The following COMMD10 variants were observed in gnomAD, a reference collection of about 807,000 sequenced individuals.
COMMD10 encodes the protein COMM domain containing 10.
Under a neutral mutation model 28.9 loss-of-function variants are expected in COMMD10, and 33 were observed. That is an observed-to-expected ratio of 1.14 (90% CI 0.87 to 1.53). The LOEUF (loss-of-function observed/expected upper bound fraction) is 1.53. Among genes scored for constraint, COMMD10 ranks in the 40% most tolerant of loss-of-function variants. The probability of loss-of-function intolerance (pLI) is 0.00; values close to 1 mark genes in which losing one functional copy is unlikely to be tolerated. For missense variants in COMMD10, 310 were observed against 233.4 expected, an observed-to-expected ratio of 1.33 and a Z score of -2.14; for synonymous variants, 110 against 81.7, an observed-to-expected ratio of 1.35 and a Z score of -1.87.
At chr5:116,147,534 A>G (rs935725283) in intron 5 of COMMD10, among the ~76,000 whole-genome samples, 7 of 151,882 alleles carry the variant, frequency 4.6e-5, no homozygotes, top group African/African-American at 1.7e-4. Context: ...ACTATCTGAA[A>G]TTGACATAAA....
At chr5:116,090,767 C>T (rs903413036) in intron 2 of COMMD10, among the ~76,000 whole-genome samples, 1 of 152,162 alleles carries the variant, frequency 6.6e-6, no homozygotes, top group African/African-American at 2.4e-5. Flanking sequence ...TTTCTGTTTG[C>T]TCTGGTTAAA....
At chr5:116,210,846 G>A (rs181237168) in intron 5 of COMMD10, among the ~76,000 whole-genome samples, 5 of 151,772 alleles carry the variant, frequency 3.3e-5, no homozygotes, top group Admixed American at 3.3e-4. Context: ...TCTCTCACAT[G>A]GTACATTAAA....
rs571009611 is a variant in COMMD10 at position 116,222,330 on chromosome 5, T to A, written c.511-69187T>A. On this transcript the variant is annotated intron_variant, in intron 5 of 6. Transcript: ENST00000274458. ...AAATTTTAATATTTTAATTTGGAAA[T>A]CTCATCCTGAAATCTCTTTTGGTAA... 2.6e-5 allele frequency among the ~76,000 whole-genome samples: 4 copies of A among 152,310 alleles called. No individual in the cohort carries two copies. The East Asian group carries it at 7.7e-4, about 29-fold the overall frequency.
chr5:116,168,369 C>G (rs1399668599), intron 5 of COMMD10, among the ~76,000 whole-genome samples: 1 of 152,088 alleles, frequency 6.6e-6, no homozygotes, highest in Admixed American at 6.5e-5. Flanking sequence ...GAGACTTAGA[C>G]TCACACACAA....
chr5:116,140,509 C>CT (rs1236325921), intron 5 of COMMD10, among the ~76,000 whole-genome samples: 1 of 151,740 alleles, frequency 6.6e-6, no homozygotes, highest in Non-Finnish European at 1.5e-5. Context: ...AACTGTTGTC[C>CT]TTAATGGCTA....
intron 5 of COMMD10, among the ~76,000 whole-genome samples, chr5:116,203,408 T>TGAGAA (rs888654790): frequency 4.6e-5 from 7 of 151,860 alleles, no homozygotes; most frequent in African/African-American, 1.5e-4. Context: ...AGATACTCCT[T>TGAGAA]GAGAAGAGCA....
intron 5 of COMMD10, among the ~76,000 whole-genome samples, chr5:116,139,898 G>A (rs945215323): frequency 1.3e-5 from 2 of 151,658 alleles, no homozygotes; most frequent in African/African-American, 4.8e-5. Context: ...TGTGGTTAAA[G>A]CACGTAAAAT....
intron 4 of COMMD10, among the ~76,000 whole-genome samples, chr5:116,126,459 A>G (rs1284225127): frequency 6.6e-6 from 1 of 152,158 alleles, no homozygotes; most frequent in African/African-American, 2.4e-5. Flanking sequence ...AAGAGCCCTC[A>G]TTGCCAAGTC....
chr5:116,266,225 T>G (rs1164730287), intron 5 of COMMD10, among the ~76,000 whole-genome samples: 2 of 151,728 alleles, frequency 1.3e-5, no homozygotes, highest in African/African-American at 4.9e-5. Flanking sequence ...AAGAAAAATA[T>G]TTATACCTAT....
intron 5 of COMMD10, among the ~76,000 whole-genome samples, chr5:116,234,468 A>G (rs748150098): frequency 1.3e-5 from 2 of 152,198 alleles, no homozygotes; most frequent in South Asian, 2.1e-4. Flanking sequence ...ATAAATTCTC[A>G]TGGTAGCAAT....
chr5:116,125,712 C>T (rs767527645), intron 4 of COMMD10, among the ~76,000 whole-genome samples: 1 of 152,116 alleles, frequency 6.6e-6, no homozygotes, highest in South Asian at 2.1e-4. Flanking sequence ...TTGGTCTTTT[C>T]ACATAGTCCC....
At chr5:116,247,737 C>G (rs1251262755) in intron 5 of COMMD10, among the ~76,000 whole-genome samples, 1 of 151,952 alleles carries the variant, frequency 6.6e-6, no homozygotes, top group East Asian at 1.9e-4. Flanking sequence ...ACATGTTCTC[C>G]CTTATAAGTG....
intron 5 of COMMD10, among the ~76,000 whole-genome samples, chr5:116,240,227 G>C (rs1028300083): frequency 6.6e-6 from 1 of 151,578 alleles, no homozygotes; most frequent in South Asian, 2.1e-4. Flanking sequence ...AATGGAAGAC[G>C]TAACAAAAAA....
At chr5:116,125,827 A>T (rs1045540119) in intron 4 of COMMD10, among the ~76,000 whole-genome samples, 1 of 151,950 alleles carries the variant, frequency 6.6e-6, no homozygotes, top group African/African-American at 2.4e-5. Context: ...TTTCATACTG[A>T]ATGGGCAAAA....
intron 4 of COMMD10, among the ~76,000 whole-genome samples, chr5:116,093,063 G>T (rs1750351677): frequency 6.6e-6 from 1 of 152,092 alleles, no homozygotes; most frequent in South Asian, 2.1e-4. Flanking sequence ...AATACATATT[G>T]GTTTCATGCC....
intron 5 of COMMD10, among the ~76,000 whole-genome samples, chr5:116,250,149 G>T (rs1228978135): frequency 6.6e-6 from 1 of 151,074 alleles, no homozygotes. Flanking sequence ...TCATTATCTT[G>T]GAGCTAATTC....
At position 116,172,874 on chromosome 5, in the gene COMMD10, C is replaced by G. The variant is rs774406570; in HGVS notation, c.510+38696C>G. Reference sequence around the variant, plus strand: ...ATACGATGAAATTTCAGTGTTCTTGCAAAAATTTGACTAATACAAGAATTG... The same window carrying G: ...ATACGATGAAATTTCAGTGTTCTTGGAAAAATTTGACTAATACAAGAATTG... On this transcript the variant is annotated intron_variant, in intron 5 of 6. Transcript: ENST00000274458. 2.6e-5 allele frequency among the ~76,000 whole-genome samples: 4 copies of G among 151,998 alleles called. No individual in the cohort carries two copies. The South Asian group carries it at 8.3e-4, about 31-fold the overall frequency.
chr5:116,126,939 C>T (rs59299979), intron 4 of COMMD10, among the ~76,000 whole-genome samples: 42 of 152,278 alleles, frequency 2.8e-4, no homozygotes, highest in African/African-American at 9.9e-4. Context: ...TCTAATTAAA[C>T]TAAAGAGCTT....
rs188185296 is a variant in COMMD10 at position 116,121,377 on chromosome 5, A to G, written c.400-12691A>G. On this transcript the variant is annotated intron_variant, in intron 4 of 6. Coordinates refer to ENST00000274458, the MANE Select transcript of COMMD10 (RefSeq NM_016144.4). ...GTGCCACATTTTCAAAATCCAGTCT[A>G]TCATTGCTGGACATTCGGGTTGGTT... 4.6e-3 allele frequency among the ~76,000 whole-genome samples: 701 copies of G among 152,318 alleles called. 1 individual carries two copies. The highest frequency in any genetic ancestry group is 7.4e-3 in the Non-Finnish European group (506 of 68,034).
Sources: gnomAD v4.1 joint callset for allele counts (sites outside exome capture counted in the v4.1 genomes callset) on GRCh38, gnomAD v4.1.1 for gene constraint, MANE v1.5 for transcripts, NCBI Gene and HGNC (gene_info 2026-07-23, HGNC 2026-07-21) for gene names.